Variants in ABAT observed in about 807,000 individuals in gnomAD.
The protein encoded by ABAT is 4-aminobutyrate aminotransferase, mitochondrial.
A neutral mutation model predicts 64.6 loss-of-function variants in ABAT; 45 were observed. The observed-to-expected ratio is 0.70, with a 90% CI of 0.55 to 0.89. The LOEUF is 0.89. Ranked by LOEUF, ABAT falls within the 40% of genes least tolerant of loss-of-function variation. The probability of loss-of-function intolerance (pLI) is 0.00; values close to 1 mark genes in which losing one functional copy is unlikely to be tolerated. For missense variants in ABAT, 633 were observed against 658.4 expected (o/e 0.96, Z 0.42); for synonymous variants, 297 against 250.5 (o/e 1.19, Z -1.75).
intron 1 of ABAT, chr16:8,715,586 TC>T (rs1387128075): frequency 1.5e-5 from 2 of 137,576 alleles, no homozygotes; most frequent in Non-Finnish European, 3.0e-5. Context: ...TGAGCCATGA[TC>T]ATGCCACTGC....
intron 5 of ABAT, among the ~76,000 whole-genome samples, chr16:8,754,179 TAAAAAAAAAA>T (rs750745519): frequency 6.3e-5 from 4 of 63,822 alleles, no homozygotes; most frequent in Non-Finnish European, 1.1e-4. Context: ...ACCCTGTCTA[TAAAAAAAAAA>T]AAAAAAAAAA....
intron 1 of ABAT, 90 bp from the exon 2 acceptor site, chr16:8,735,605 TTCTC>T (rs769629129): frequency 5.8e-6 from 6 of 1,032,442 alleles, no homozygotes; most frequent in East Asian, 2.6e-5. Flanking sequence ...CAGAAGAACT[TTCTC>T]TATTAGGTGG....
chr16:8,691,078 A>G (rs1409908461), intron 1 of ABAT, among the ~76,000 whole-genome samples: 1 of 152,008 alleles, frequency 6.6e-6, no homozygotes, highest in Non-Finnish European at 1.5e-5. Context: ...AATAGAATAC[A>G]GATTTCAGTT....
At chr16:8,730,422 C>T (rs1037983004) in intron 1 of ABAT, among the ~76,000 whole-genome samples, 10 of 152,180 alleles carry the variant, frequency 6.6e-5, no homozygotes, top group African/African-American at 2.4e-4. Flanking sequence ...GCCTGATTCT[C>T]CACACTATTC....
chr16:8,703,364 G>C (rs1035443276), intron 1 of ABAT, among the ~76,000 whole-genome samples: 1 of 152,032 alleles, frequency 6.6e-6, no homozygotes, highest in Non-Finnish European at 1.5e-5. Flanking sequence ...GCTGAGGCAG[G>C]AGAATAGCTT....
Position 8,776,274 on chromosome 16 carries a change from G to A in ABAT, c.1123-70G>A, listed in dbSNP as rs951029826. ...TCCTCTTCAAGAGAGGAGGCGGGGC[G>A]CCTGGGGTAAGTGACTCCTGCAGGG... On this transcript the variant is annotated intron_variant, in intron 13 of 15. Coordinates refer to ENST00000268251, the MANE Select transcript of ABAT (RefSeq NM_020686.6). The surrounding 1 kb of genome is among the most constrained non-coding windows in gnomAD (Gnocchi z 4.4). 31 of 1,608,770 alleles carry A rather than the reference G, an allele frequency of 1.9e-5. No homozygotes were observed. The highest frequency in any genetic ancestry group is 8.0e-5 in the African/African-American group (6 of 74,834).
chr16:8,744,631 G>A (rs1477350266), intron 2 of ABAT, among the ~76,000 whole-genome samples: 1 of 152,098 alleles, frequency 6.6e-6, no homozygotes, highest in African/African-American at 2.4e-5. Context: ...ACCTCCCAAA[G>A]TGCTGGGATT....
At chr16:8,690,751 T>C (rs1596400836) in intron 1 of ABAT, among the ~76,000 whole-genome samples, 1 of 152,328 alleles carries the variant, frequency 6.6e-6, no homozygotes, top group East Asian at 1.9e-4. Flanking sequence ...AAATATCTGC[T>C]GGGTTTCTAT....
chr16:8,720,893 G>C (rs1213455169), intron 1 of ABAT: 1 of 152,276 alleles, frequency 6.6e-6, no homozygotes, highest in East Asian at 1.9e-4. Context: ...TGCATGCAAA[G>C]AGTTCGTGTT....
At chr16:8,755,385 G>A (rs1255405402) in intron 5 of ABAT, among the ~76,000 whole-genome samples, 1 of 152,214 alleles carries the variant, frequency 6.6e-6, no homozygotes, top group East Asian at 1.9e-4. Context: ...CAGAGGTGAT[G>A]TGGCCACTTC....
intron 6 of ABAT, among the ~76,000 whole-genome samples, chr16:8,759,126 T>A (rs7203297): frequency 0.17 from 26,243 of 151,734 alleles, 4,401 homozygotes; most frequent in African/African-American, 0.43. Flanking sequence ...ATAATAATAA[T>A]AAATAAAAAG....
intron 1 of ABAT, among the ~76,000 whole-genome samples, chr16:8,725,872 T>C (rs2058536242): frequency 6.6e-6 from 1 of 152,078 alleles, no homozygotes; most frequent in African/African-American, 2.4e-5. Context: ...ATCCCTGCCT[T>C]CTTACTCCTC....
At chr16:8,719,405 G>C (rs150908614) in intron 1 of ABAT, among the ~76,000 whole-genome samples, 1 of 152,146 alleles carries the variant, frequency 6.6e-6, no homozygotes, top group Admixed American at 6.5e-5. Context: ...AAGGCTATCT[G>C]TGTCTCACAT....
intron 1 of ABAT, chr16:8,714,617 G>A (rs1417648092): frequency 6.6e-6 from 1 of 152,494 alleles, no homozygotes; most frequent in Non-Finnish European, 1.5e-5. Context: ...CTGAAAGGTT[G>A]GCGCTGAAGA....
At chr16:8,773,422 G>C (rs1259308654) in intron 12 of ABAT, among the ~76,000 whole-genome samples, 1 of 152,082 alleles carries the variant, frequency 6.6e-6, no homozygotes, top group African/African-American at 2.4e-5. Flanking sequence ...AAAGTGCTGG[G>C]ATTACAGGCC....
chr16:8,761,718 C>T (rs2059802814), intron 6 of ABAT, among the ~76,000 whole-genome samples: 1 of 152,206 alleles, frequency 6.6e-6, no homozygotes, highest in Non-Finnish European at 1.5e-5. Context: ...CACTGGCTGA[C>T]ATCTTGGGTC....
At chr16:8,704,843 A>T (rs767514403) in intron 1 of ABAT, among the ~76,000 whole-genome samples, 66 of 151,750 alleles carry the variant, frequency 4.3e-4, no homozygotes, top group Admixed American at 1.6e-3. Context: ...CTTCTTTTTT[A>T]AAAAAAAATT....
chr16:8,740,776 G>T (rs548265578), intron 2 of ABAT, among the ~76,000 whole-genome samples: 31 of 152,214 alleles, frequency 2.0e-4, no homozygotes, highest in Admixed American at 1.7e-3. Context: ...AATTGTTATT[G>T]CTGGGTAGAA....
chr16:8,743,561 TAC>T (rs1305247912), intron 2 of ABAT, among the ~76,000 whole-genome samples: 1 of 143,658 alleles, frequency 7.0e-6, no homozygotes, highest in Non-Finnish European at 1.5e-5. Context: ...ATGTAATATA[TAC>T]TTTAGTTTTA....
Sources: allele counts gnomAD v4.1 joint callset (sites outside exome capture counted in the v4.1 genomes callset), GRCh38; gene constraint gnomAD v4.1.1; non-coding constraint Gnocchi (gnomAD v3.1); transcripts MANE v1.5; gene names NCBI Gene and HGNC (gene_info 2026-07-23, HGNC 2026-07-21).